ALPK3: variants seen among roughly 807,000 people sequenced by gnomAD.
ALPK3 encodes the protein alpha kinase 3, also known as alpha-protein kinase 3.
In ALPK3, 102 loss-of-function variants were observed where a neutral mutation model predicts 140.0. The observed-to-expected ratio is 0.73, with a 90% CI of 0.62 to 0.86. ALPK3 has a LOEUF of 0.86. ALPK3 is among the 40% of genes least tolerant of loss of function. The pLI, the probability that ALPK3 is intolerant of heterozygous loss-of-function variation, is 0.00. For missense variants in ALPK3, 2,254 were observed against 2,208.2 expected (o/e 1.02, Z -0.42); for synonymous variants, 938 against 898.5 (o/e 1.04, Z -0.79).
rs1963638318 is a variant in ALPK3 at position 84,839,915 on chromosome 15, T to G, written c.636T>G (p.Thr212=). The change falls in exon 5 of 14, where the codon ACT becomes ACG. Residue 212 remains threonine (T), a synonymous_variant. Coordinates refer to ENST00000258888, the MANE Select transcript of ALPK3 (RefSeq NM_020778.5). Reference sequence around the variant, plus strand: ...AGGCGGTGCCTGGGGAGGTCGACACTCTGCGCAAGCTCAGCCCCGACCGCT... The same window carrying G: ...AGGCGGTGCCTGGGGAGGTCGACACGCTGCGCAAGCTCAGCCCCGACCGCT... ...HEKAVPGEVD[T]LRKLSPDRFQ... is the part of the protein sequence containing the mutation. The G allele has an allele frequency of 6.2e-7, 1 of 1,613,608 alleles. No individual in the cohort carries two copies. The highest frequency in any genetic ancestry group is 1.7e-5 in the Admixed American group (1 of 59,998).
rs775017533 is a variant in ALPK3 at position 84,857,139 on chromosome 15, C to T, written c.2401C>T (p.Pro801Ser). 7 of 1,613,936 alleles carry T rather than the reference C, an allele frequency of 4.3e-6. No individual in the cohort carries two copies. In the African/African-American group the frequency reaches 9.3e-5, roughly 22 times the overall value. Residue 801 changes from proline to serine, a missense_variant, in exon 6 of 14, where the codon CCA (proline) becomes TCA (serine). This residue lies in a region of ALPK3 where 2,088 missense variants were observed against 2,022.9 expected (regional missense o/e 1.03). Transcript: ENST00000258888. ...LGPLSGNLML[P>S]AQPPHEGSVE... ...TCCCCTGTCAGGGAACCTCATGCTC[C>T]CAGCACAGCCGCCCCATGAGGGGAG...
Position 84,856,590 on chromosome 15 carries a change from G to A in ALPK3, c.1852G>A (p.Val618Met), listed in dbSNP as rs1357269000. 2 of 1,614,064 alleles carry A rather than the reference G, an allele frequency of 1.2e-6. No individual in the cohort carries two copies. Among genetic ancestry groups the A allele is most frequent in the African/African-American group, 2.7e-5 (2 of 74,920 alleles). ...KNVQADGKIQ[V>M]DGRTRGDGTQ... Reference sequence around the variant, plus strand: ...TGTGCAGGCAGATGGGAAGATACAAGTGGATGGAAGGACCAGGGGAGATGG... The same window carrying A: ...TGTGCAGGCAGATGGGAAGATACAAATGGATGGAAGGACCAGGGGAGATGG... Residue 618 changes from valine (V) to methionine (M), a missense_variant, in exon 6 of 14, where the codon GTG (valine) becomes ATG (methionine). By Grantham distance (21) the Val-to-Met change is conservative (BLOSUM62 1). Transcript: ENST00000258888.
intron 1 of ALPK3, among the ~76,000 whole-genome samples, chr15:84,818,614 T>A (rs999692548): frequency 2.0e-5 from 3 of 152,182 alleles, no homozygotes; most frequent in Admixed American, 2.0e-4. Flanking sequence ...TAAAACAGCA[T>A]AAAAACAGGC....
chr15:84,868,429 G>C lies in ALPK3; in HGVS notation c.5091G>C (p.Glu1697Asp). The change falls in exon 14 of 14, where the codon GAG becomes GAC. Residue 1697 changes from glutamate to aspartate, a missense_variant. By Grantham distance (45) the Glu-to-Asp change is conservative. Transcript: ENST00000258888. The stretch of plus-strand genomic sequence containing the variant: ...TGGGACAGCCTCCCACCCAAGAGGA[G>C]GGCTCCAAGGCCCAGGGCATGCGGT... ...QLLGQPPTQEEGSKAQGMR is the reference protein window; with the variant it reads ...QLLGQPPTQEDGSKAQGMR 1 of 1,610,542 alleles carries C rather than the reference G, an allele frequency of 6.2e-7. No homozygotes were observed. Among genetic ancestry groups the C allele is most frequent in the Non-Finnish European group, 8.5e-7 (1 of 1,179,954 alleles).
At chr15:84,820,671 G>T (rs903899085) in intron 1 of ALPK3, among the ~76,000 whole-genome samples, 11 of 152,098 alleles carry the variant, frequency 7.2e-5, no homozygotes, top group African/African-American at 2.7e-4. Flanking sequence ...TAGCAGAGAC[G>T]GGATTTCATC....
At chr15:84,827,423 G>A in intron 2 of ALPK3, 61 bp from the exon 3 acceptor site, 5 of 1,607,274 alleles carry the variant, frequency 3.1e-6, no homozygotes, top group East Asian at 4.5e-5. Flanking sequence ...CCTTGGACAG[G>A]CCAGGCTGTG....
At chr15:84,858,889 G>T (rs772315868) in intron 6 of ALPK3, among the ~76,000 whole-genome samples, 1 of 152,198 alleles carries the variant, frequency 6.6e-6, no homozygotes, top group South Asian at 2.1e-4. Context: ...CAGAGATGTC[G>T]CATGATTACA....
At position 84,869,686 on chromosome 15, in the gene ALPK3, G is replaced by A. The variant is rs1038443078; in HGVS notation, c.*1230G>A. ...AGCATCCCTCCTGGAGGCCTGGGAT[G>A]GGGTAGGTCTGCAGCTAGCCTACTC... On this transcript the variant is annotated 3_prime_UTR_variant, in exon 14 of 14. Transcript: ENST00000258888. 3.9e-5 allele frequency: 6 copies of A among 152,662 alleles called. No homozygotes were observed. Among genetic ancestry groups the A allele is most frequent in the Admixed American group, 3.3e-4 (5 of 15,284 alleles). The allele number at this position is 152,662 out of a possible 1,614,324, so 9.5% of individuals were successfully genotyped here. A position where few individuals can be genotyped will look rare whatever the true frequency, so the allele number is the denominator to read the frequency against.
intron 1 of ALPK3, among the ~76,000 whole-genome samples, chr15:84,820,427 G>A (rs535819801): frequency 6.9e-4 from 105 of 152,230 alleles, no homozygotes; most frequent in African/African-American, 2.3e-3. Context: ...CCCAGCTTTC[G>A]TGGTCAGTTC....
At chr15:84,834,822 C>A (rs751378872) in intron 3 of ALPK3, among the ~76,000 whole-genome samples, 1 of 152,282 alleles carries the variant, frequency 6.6e-6, no homozygotes, top group Non-Finnish European at 1.5e-5. Context: ...TGGACATGCA[C>A]AAATGCACAG....
chr15:84,850,644 C>T (rs1021713414), intron 5 of ALPK3, among the ~76,000 whole-genome samples: 18 of 151,954 alleles, frequency 1.2e-4, no homozygotes, highest in Admixed American at 2.0e-4. Context: ...ACAATGGCTT[C>T]CCAAAGCACT....
Position 84,827,567 on chromosome 15 carries a change from C to A in ALPK3, c.266C>A (p.Ser89Tyr). 6.2e-7 allele frequency: 1 copy of A among 1,614,192 alleles called. No homozygotes were observed. The highest frequency in any genetic ancestry group is 8.5e-7 in the Non-Finnish European group (1 of 1,180,046). The change falls in exon 3 of 14, where the codon TCC becomes TAC. Residue 89 changes from serine (S) to tyrosine (Y), a missense_variant. Coordinates refer to ENST00000258888, the MANE Select transcript of ALPK3 (RefSeq NM_020778.5). Reference sequence around the variant, plus strand: ...ACCACGCTCAAGTCCCGGTCTGTGTCCGAGGACAGCGACGTCAGGTTCACC... The same window carrying A: ...ACCACGCTCAAGTCCCGGTCTGTGTACGAGGACAGCGACGTCAGGTTCACC... ...FETTLKSRSV[S>Y]EDSDVRFTCI...
chr15:84,830,400 C>G (rs1452886090), intron 3 of ALPK3, among the ~76,000 whole-genome samples: 2 of 152,054 alleles, frequency 1.3e-5, no homozygotes, highest in African/African-American at 2.4e-5. Flanking sequence ...TGAATACTGC[C>G]CCAGTGGTTT....
rs1360221417 is a variant in ALPK3, at chr15:84,872,696, C to T, written c.*4240C>T. 1 of 152,266 alleles carries T rather than the reference C, an allele frequency of 6.6e-6. No homozygotes were observed. The highest frequency in any genetic ancestry group is 1.5e-5 in the Non-Finnish European group (1 of 68,062). 9.4% of individuals were successfully genotyped at this position (152,266 alleles called of 1,614,324 possible). A position where few individuals can be genotyped will look rare whatever the true frequency, so the allele number is the denominator to read the frequency against. On this transcript the variant is annotated 3_prime_UTR_variant, in exon 14 of 14. Coordinates refer to ENST00000258888, the MANE Select transcript of ALPK3 (RefSeq NM_020778.5). ...GCATTTTCACATGATTTATCTCCCA[C>T]TCTGATTCACATATGTTTGACCAAG...
rs199749201 is a variant in ALPK3 at position 84,857,702 on chromosome 15, C to T, written c.2964C>T (p.Thr988=). 199 of 1,611,290 alleles carry T rather than the reference C, an allele frequency of 1.2e-4. No homozygotes were observed. The highest frequency in any genetic ancestry group is 4.9e-4 in the Middle Eastern group (3 of 6,074). Residue 988 remains threonine, a synonymous_variant, in exon 6 of 14, where the codon ACC becomes ACT. Transcript: ENST00000258888. The part of the protein sequence containing the change: ...AGGESQVGAA[T]GGLVPSATLT... ...GAGAGTCCCAGGTGGGGGCAGCCAC[C>T]GGAGGTCTGGTGCCCTCAGCCACTC...
rs1277393881 is a variant in ALPK3, at chr15:84,859,770, C to G, written c.3966-6C>G. On this transcript the variant is annotated splice_region_variant and splice_polypyrimidine_tract_variant and intron_variant, in intron 7 of 13. Transcript: ENST00000258888. ...GGCCCTCACGAGTAGGGTCTCCACT[C>G]TGCAGCGCAGGGGATGAGGGGCCGG... 6.2e-7 allele frequency: 1 copy of G among 1,610,340 alleles called. No homozygotes were observed. Among genetic ancestry groups the G allele is most frequent in the Admixed American group, 1.7e-5 (1 of 59,874 alleles).
At chr15:84,859,505 G>A (rs1299329049) in intron 7 of ALPK3, 115 bp downstream of exon 7, 1 of 1,409,620 alleles carries the variant, frequency 7.1e-7, no homozygotes, top group Admixed American at 2.5e-5. Flanking sequence ...ATAACCAGGG[G>A]AGGTCCTTTT....
In ALPK3 at chr15:84,859,258, G is replaced by A. The variant is rs747114834; in HGVS notation, c.3833G>A (p.Arg1278Gln). 22 of 1,613,964 alleles carry A rather than the reference G, an allele frequency of 1.4e-5. 1 individual carries two copies. Among genetic ancestry groups the A allele is most frequent in the African/African-American group, 9.3e-5 (7 of 74,898 alleles). The change falls in exon 7 of 14, where the codon CGG becomes CAG. Residue 1278 changes from arginine to glutamine, a missense_variant. Transcript: ENST00000258888. ...KDLLKAPQVI[R>Q]KIRVEQFPDA... Reference sequence around the variant, plus strand: ...CTGCTCTCAGCCCCACAGGTGATCCGGAAGATTCGGGTGGAGCAGTTTCCT... The same window carrying A: ...CTGCTCTCAGCCCCACAGGTGATCCAGAAGATTCGGGTGGAGCAGTTTCCT...
rs1301704191 is a variant in ALPK3, at chr15:84,873,022, G to A, written c.*4566G>A. On this transcript the variant is annotated 3_prime_UTR_variant, in exon 14 of 14. Transcript: ENST00000258888. ...TCATTCCTGGGACCCACAGCTCGAG[G>A]TCTGGTTTCCATGCCCTATCCCTTA... is the stretch of plus-strand genomic sequence containing the variant. 6.6e-6 allele frequency: 1 copy of A among 152,188 alleles called. No individual in the cohort carries two copies. The highest frequency in any genetic ancestry group is 1.5e-5 in the Non-Finnish European group (1 of 68,042). The allele number at this position is 152,188 out of a possible 1,614,324, so 9.4% of individuals were successfully genotyped here.
Sources: gnomAD v4.1 joint callset for allele counts (sites outside exome capture counted in the v4.1 genomes callset) on GRCh38, gnomAD v4.1.1 for gene constraint, gnomAD v4.1.1 regional missense constraint, MANE v1.5 for transcripts, NCBI Gene and HGNC (gene_info 2026-07-23, HGNC 2026-07-21) for gene names.